AFAP1: variants seen among roughly 807,000 people sequenced by gnomAD.
AFAP1 encodes the protein actin filament associated protein 1.
AFAP1 carries 75 observed loss-of-function variants against 93.9 expected under a neutral mutation model. The observed-to-expected ratio is 0.80, with a 90% CI of 0.66 to 0.97. The LOEUF (loss-of-function observed/expected upper bound fraction) is 0.97. Ranked by LOEUF, AFAP1 falls within the 50% of genes least tolerant of loss-of-function variation. The pLI, the probability that AFAP1 is intolerant of heterozygous loss-of-function variation, is 0.00. For synonymous variants in AFAP1, 517 were observed against 430.7 expected (o/e 1.20, Z -2.48); for missense variants, 1,201 against 1,050.8 (o/e 1.14, Z -1.98).
At chr4:7,801,287 G>A (rs899425851) in intron 9 of AFAP1, among the ~76,000 whole-genome samples, 7 of 152,138 alleles carry the variant, frequency 4.6e-5, no homozygotes, top group Non-Finnish European at 1.0e-4. Flanking sequence ...GCAAAGCGAC[G>A]GGTGAAGCTG....
At chr4:7,787,229 G>A (rs373873729) in intron 11 of AFAP1, among the ~76,000 whole-genome samples, 58 of 152,344 alleles carry the variant, frequency 3.8e-4, no homozygotes, top group African/African-American at 1.3e-3. Context: ...TGTATGCGGC[G>A]GTGCCGGGAG....
intron 1 of AFAP1, among the ~76,000 whole-genome samples, chr4:7,921,058 G>C (rs906050715): frequency 6.6e-6 from 1 of 151,432 alleles, no homozygotes; most frequent in Non-Finnish European, 1.5e-5. Context: ...CAAAGAAAAT[G>C]CATTTTCAAA....
At chr4:7,767,343 T>TCGGGACCACA (rs1714751109) in intron 17 of AFAP1, among the ~76,000 whole-genome samples, 1 of 151,952 alleles carries the variant, frequency 6.6e-6, no homozygotes, top group South Asian at 2.1e-4. Context: ...GGAGCCCTTT[T>TCGGGACCACA]GAGGGTCGGG....
chr4:7,918,275 C>T (rs895285225), intron 1 of AFAP1, among the ~76,000 whole-genome samples: 2 of 149,918 alleles, frequency 1.3e-5, no homozygotes, highest in African/African-American at 2.5e-5. Flanking sequence ...ATGAGACATT[C>T]GGCCCAGGTC....
At position 7,763,327 on chromosome 4, in the gene AFAP1, C is replaced by T. The variant is rs1439796096; in HGVS notation, c.*438G>A. 5.5e-6 allele frequency: 1 copy of T among 182,144 alleles called. No homozygotes were observed. Among genetic ancestry groups the T allele is most frequent in the African/African-American group, 2.7e-5 (1 of 37,484 alleles). 11.3% of individuals were successfully genotyped at this position (182,144 alleles called of 1,614,324 possible). Reference sequence around the variant, plus strand: ...TGGGCGTGCAAGGCGAGCCCAGTGCCCATGGCCAGCCACACTCATGCCCGG... The same window carrying T: ...TGGGCGTGCAAGGCGAGCCCAGTGCTCATGGCCAGCCACACTCATGCCCGG... On this transcript the variant is annotated 3_prime_UTR_variant, in exon 18 of 18. Coordinates refer to ENST00000420658, the MANE Select transcript of AFAP1 (RefSeq NM_001134647.2).
At chr4:7,841,515 G>C (rs1013445377) in intron 5 of AFAP1, among the ~76,000 whole-genome samples, 1 of 152,236 alleles carries the variant, frequency 6.6e-6, no homozygotes, top group African/African-American at 2.4e-5. Context: ...TGGAAAAAAA[G>C]CTGTTAATGG....
chr4:7,836,050 C>A (rs538060721), intron 6 of AFAP1, among the ~76,000 whole-genome samples: 1 of 151,920 alleles, frequency 6.6e-6, no homozygotes, highest in Non-Finnish European at 1.5e-5. Context: ...AACTGGGGAC[C>A]CCCGTGAAAA....
chr4:7,819,445 T>C (rs1720774126), intron 6 of AFAP1, among the ~76,000 whole-genome samples: 1 of 152,202 alleles, frequency 6.6e-6, no homozygotes, highest in South Asian at 2.1e-4. Context: ...GTAATTTATT[T>C]ATCGCCATGA....
At chr4:7,815,330 C>T (rs959860258) in intron 8 of AFAP1, among the ~76,000 whole-genome samples, 4 of 152,118 alleles carry the variant, frequency 2.6e-5, no homozygotes, top group African/African-American at 4.8e-5. Context: ...AGACTGATGG[C>T]GGTGATGACA....
chr4:7,849,075 A>G (rs1320029286), intron 4 of AFAP1, among the ~76,000 whole-genome samples: 1 of 152,136 alleles, frequency 6.6e-6, no homozygotes, highest in Non-Finnish European at 1.5e-5. Context: ...AGGCACAGGA[A>G]CCACAGACAA....
At chr4:7,903,948 CT>C (rs34795279) in intron 1 of AFAP1, among the ~76,000 whole-genome samples, 8,955 of 141,452 alleles carry the variant, frequency 0.063, 490 homozygotes, top group African/African-American at 0.15. Context: ...GGTTTAATGT[CT>C]TTTTTTTTTT....
chr4:7,864,163 A>ACACCTTCCCAACTTCCCATCACACCTT (rs1560207895), intron 3 of AFAP1, among the ~76,000 whole-genome samples: 2 of 151,792 alleles, frequency 1.3e-5, no homozygotes, highest in African/African-American at 4.8e-5. Context: ...TCTCATCACA[A>ACACCTTCCCAACTTCCCATCACACCTT]CCCACAGGTC....
chr4:7,842,686 TAA>T (rs143770762), intron 5 of AFAP1: 162 of 136,202 alleles, frequency 1.2e-3, no homozygotes, highest in South Asian at 3.4e-3. Context: ...CTCTCAAATT[TAA>T]AAAAAAAAAA....
intron 2 of AFAP1, among the ~76,000 whole-genome samples, chr4:7,869,868 T>G (rs115599028): frequency 0.024 from 3,615 of 150,990 alleles, 55 homozygotes; most frequent in Non-Finnish European, 0.038. Flanking sequence ...ACACACAAAA[T>G]CAATAGATAG....
At chr4:7,864,274 T>C (rs1443731374) in intron 3 of AFAP1, among the ~76,000 whole-genome samples, 5 of 152,230 alleles carry the variant, frequency 3.3e-5, no homozygotes, top group African/African-American at 7.2e-5. Context: ...ACGCTCCTAG[T>C]ATAGCTGGCT....
chr4:7,928,665 C>T (rs1482427980), intron 1 of AFAP1, among the ~76,000 whole-genome samples: 1 of 152,190 alleles, frequency 6.6e-6, no homozygotes, highest in Non-Finnish European at 1.5e-5. Context: ...GGATTACAGG[C>T]GTGAGCCACC....
In AFAP1 at chr4:7,856,773, C is replaced by G. The variant is rs143404915; in HGVS notation, c.226-1199G>C. On this transcript the variant is annotated intron_variant, in intron 3 of 17. Coordinates refer to ENST00000420658, the MANE Select transcript of AFAP1 (RefSeq NM_001134647.2). ...ACAGGACTTGCTGGTGTGTCTCTCA[C>G]TGGTCCTTCTGCCAAAAGAGGTGGC... 1.8e-3 allele frequency among the ~76,000 whole-genome samples: 275 copies of G among 152,302 alleles called. 1 individual carries two copies. The highest frequency in any genetic ancestry group is 0.017 in the South Asian group (81 of 4,828).
intron 11 of AFAP1, among the ~76,000 whole-genome samples, chr4:7,786,857 G>A (rs115579167): frequency 0.02 from 3,036 of 152,284 alleles, 109 homozygotes; most frequent in African/African-American, 0.069. Context: ...GAAAAAGTTC[G>A]TGGACCCCTG....
rs977914195 is a variant in AFAP1, at chr4:7,768,908, A to C, written c.2354T>G (p.Leu785Trp). The C allele has an allele frequency of 6.2e-7, 1 of 1,612,732 alleles. No homozygotes were observed. Among genetic ancestry groups the C allele is most frequent in the Non-Finnish European group, 8.5e-7 (1 of 1,179,112 alleles). The change falls in exon 17 of 18, where the codon TTG (leucine) becomes TGG (tryptophan). Residue 785 changes from leucine (L) to tryptophan (W), a missense_variant. Coordinates refer to ENST00000420658, the MANE Select transcript of AFAP1 (RefSeq NM_001134647.2). ...GCCCGGGGCAGCCTGGCTCTTCTTC[A>C]AGACGGCCGCGCTGTTCACCGGCAC... ...GPVPVNSAAV[L>W]KKSQAAPGSS...
Sources: allele counts gnomAD v4.1 joint callset (sites outside exome capture counted in the v4.1 genomes callset), GRCh38; gene constraint gnomAD v4.1.1; transcripts MANE v1.5; gene names NCBI Gene and HGNC (gene_info 2026-07-23, HGNC 2026-07-21).